ADCYAP1R1: variants seen among roughly 807,000 people sequenced by gnomAD.
The protein encoded by ADCYAP1R1 is pituitary adenylate cyclase-activating polypeptide type I receptor.
In ADCYAP1R1, 44 loss-of-function variants were observed where a neutral mutation model predicts 67.6. That is an observed-to-expected ratio of 0.65 (90% CI 0.51 to 0.84). ADCYAP1R1 has a LOEUF of 0.84. Ranked by LOEUF, ADCYAP1R1 falls within the 40% of genes least tolerant of loss-of-function variation. The pLI is 0.00. For missense variants in ADCYAP1R1, 477 were observed against 587.9 expected (o/e 0.81, Z 1.95); for synonymous variants, 222 against 219.6 (o/e 1.01, Z -0.10).
chr7:31,075,868 G>T (rs1795188658), intron 3 of ADCYAP1R1, among the ~76,000 whole-genome samples: 1 of 152,140 alleles, frequency 6.6e-6, no homozygotes, highest in South Asian at 2.1e-4. Context: ...GATAGAGAGT[G>T]GGGCATGGAT....
At chr7:31,103,109 G>A in intron 13 of ADCYAP1R1, 128 bp from the exon 14 acceptor site, 2 of 1,311,178 alleles carry the variant, frequency 1.5e-6, no homozygotes, top group Admixed American at 4.5e-5. Flanking sequence ...AGAATGCTGA[G>A]GGGTCTGTGG....
At chr7:31,073,286 G>A (rs1162544046) in intron 3 of ADCYAP1R1, among the ~76,000 whole-genome samples, 1 of 152,114 alleles carries the variant, frequency 6.6e-6, no homozygotes, top group Non-Finnish European at 1.5e-5. Flanking sequence ...CTCTTGTATT[G>A]CTCTGCATTG....
chr7:31,058,809 A>ATAGGGATGGAG lies in ADCYAP1R1; in HGVS notation c.-71-4383_-71-4373dup, dbSNP rs1427708029. On this transcript the variant is annotated intron_variant, in intron 1 of 15. Coordinates refer to ENST00000304166, the MANE Select transcript of ADCYAP1R1 (RefSeq NM_001118.5). ...ACCAGTAAGAGAGGGCAGTGGAAGC[A>ATAGGGATGGAG]TAGGGATGGAGTGCACCAACTTTGG... Among the ~76,000 whole-genome samples, 6 of 152,332 alleles carry ATAGGGATGGAG rather than the reference A, an allele frequency of 3.9e-5. No homozygotes were observed. The East Asian group carries it at 9.6e-4, about 24-fold the overall frequency.
chr7:31,099,919 C>T (rs1796366621), intron 13 of ADCYAP1R1, among the ~76,000 whole-genome samples: 1 of 152,224 alleles, frequency 6.6e-6, no homozygotes, highest in Admixed American at 6.5e-5. Flanking sequence ...TGTGCGTGTG[C>T]AGCCATGCAC....
At position 31,084,150 on chromosome 7, in the gene ADCYAP1R1, T is replaced by G; in HGVS notation, c.338T>G (p.Val113Gly). 1 of 1,613,910 alleles carries G rather than the reference T, an allele frequency of 6.2e-7. No individual in the cohort carries two copies. The highest frequency in any genetic ancestry group is 8.5e-7 in the Non-Finnish European group (1 of 1,179,968). Residue 113 changes from valine to glycine, a missense_variant, in exon 7 of 16, where the codon GTG (valine) becomes GGG (glycine). Physicochemically the swap from Val to Gly is moderately radical, Grantham distance 109 (BLOSUM62 -3). Transcript: ENST00000304166. ...TTTCTTTTTGCTGCAGACATGGGAG[T>G]GGTGAGCCGGAACTGCACGGAGGAT... The part of the protein sequence containing the change: ...SNSLDLSDMG[V>G]VSRNCTEDGW...
chr7:31,056,681 T>G (rs932918014), intron 1 of ADCYAP1R1, among the ~76,000 whole-genome samples: 1 of 152,168 alleles, frequency 6.6e-6, no homozygotes, highest in African/African-American at 2.4e-5. Context: ...GGTACATTTC[T>G]GCCTGCACTT....
At chr7:31,090,003 A>G (rs1795899730) in intron 12 of ADCYAP1R1, among the ~76,000 whole-genome samples, 1 of 151,930 alleles carries the variant, frequency 6.6e-6, no homozygotes, top group African/African-American at 2.4e-5. Flanking sequence ...TTTGTAGCAA[A>G]ATTTTGTTAG....
intron 4 of ADCYAP1R1, among the ~76,000 whole-genome samples, chr7:31,078,502 G>A (rs1243880066): frequency 6.6e-6 from 1 of 152,180 alleles, no homozygotes; most frequent in African/African-American, 2.4e-5. Context: ...ATGTTAGCTG[G>A]GATAATTGTC....
chr7:31,052,815 G>C (rs1398807642), intron 1 of ADCYAP1R1, 137 bp downstream of exon 1: 2 of 152,270 alleles, frequency 1.3e-5, no homozygotes, highest in Non-Finnish European at 2.9e-5. Flanking sequence ...CACCGACGGA[G>C]AGCGGGCGAG....
At chr7:31,080,562 C>T (rs766261937) in intron 4 of ADCYAP1R1, 51 bp from the exon 5 acceptor site, 12 of 1,598,792 alleles carry the variant, frequency 7.5e-6, no homozygotes, top group Non-Finnish European at 1.0e-5. Context: ...ACTTTTCTCA[C>T]CCCGCTGCTC....
In ADCYAP1R1 at chr7:31,100,010, C is replaced by T. The variant is rs1197739102; in HGVS notation, c.1047-3227C>T. 3 of 986,570 alleles carry T rather than the reference C, an allele frequency of 3.0e-6. No homozygotes were observed. The East Asian group carries it at 7.9e-5, about 26-fold the overall frequency. 61.1% of individuals were successfully genotyped at this position (986,570 alleles called of 1,614,324 possible). On this transcript the variant is annotated intron_variant, in intron 13 of 15. Transcript: ENST00000304166. ...CCCTTGGCTCCCTCATTCTCCTCCA[C>T]ATGACTGCCCTGGCCCTGTCTCCAT...
chr7:31,074,956 G>A (rs549180412), intron 3 of ADCYAP1R1, among the ~76,000 whole-genome samples: 1 of 152,194 alleles, frequency 6.6e-6, no homozygotes. Context: ...CAAAATAGCC[G>A]GGTGTGAATT....
intron 1 of ADCYAP1R1, among the ~76,000 whole-genome samples, chr7:31,060,646 C>G (rs1187855092): frequency 6.6e-6 from 1 of 151,786 alleles, no homozygotes; most frequent in African/African-American, 2.4e-5. Flanking sequence ...GTTGACATGT[C>G]TTTATGATCA....
chr7:31,055,464 C>A (rs1228625036), intron 1 of ADCYAP1R1, among the ~76,000 whole-genome samples: 1 of 152,102 alleles, frequency 6.6e-6, no homozygotes, highest in Non-Finnish European at 1.5e-5. Context: ...CTACTTAATT[C>A]CACTGTGTAG....
chr7:31,064,057 A>C (rs981105634), intron 2 of ADCYAP1R1, among the ~76,000 whole-genome samples: 1 of 152,350 alleles, frequency 6.6e-6, no homozygotes, highest in East Asian at 1.9e-4. Context: ...ATAGCAGTGC[A>C]TGGGCTGTGA....
intron 3 of ADCYAP1R1, among the ~76,000 whole-genome samples, chr7:31,070,943 A>G (rs1199895948): frequency 6.6e-6 from 1 of 152,238 alleles, no homozygotes; most frequent in Non-Finnish European, 1.5e-5. Context: ...TGCCACCCCC[A>G]GCACTCAGCT....
At chr7:31,076,443 G>A (rs1302697346) in intron 3 of ADCYAP1R1, among the ~76,000 whole-genome samples, 3 of 152,166 alleles carry the variant, frequency 2.0e-5, no homozygotes, top group Admixed American at 6.5e-5. Flanking sequence ...GAGGGGAGCC[G>A]CTGGGCCCCC....
rs577071362 is a variant in ADCYAP1R1 at position 31,106,085 on chromosome 7, A to AT, written c.1219-406dup. Among the ~76,000 whole-genome samples, 8 of 152,306 alleles carry AT rather than the reference A, an allele frequency of 5.3e-5. No individual in the cohort carries two copies. In the South Asian group the frequency reaches 1.2e-3, roughly 24 times the overall value. On this transcript the variant is annotated intron_variant, in intron 15 of 15. Transcript: ENST00000304166. ...CTGGGGTATGGCCTGGGCATCTGGA[A>AT]TTTTTAAAGCCCCCCAGGTAATTCT... is the stretch of plus-strand genomic sequence containing the variant.
chr7:31,104,807 CCA>C, intron 14 of ADCYAP1R1, 59 bp from the exon 15 acceptor site: 1 of 1,581,680 alleles, frequency 6.3e-7, no homozygotes, highest in South Asian at 1.1e-5. Context: ...CCTCCATGCC[CCA>C]CACAGCATTT....
Sources: allele counts gnomAD v4.1 joint callset (sites outside exome capture counted in the v4.1 genomes callset), GRCh38; gene constraint gnomAD v4.1.1; transcripts MANE v1.5; gene names NCBI Gene and HGNC (gene_info 2026-07-23, HGNC 2026-07-21).